FAM81A: variants seen among roughly 807,000 people sequenced by gnomAD.
FAM81A encodes the protein protein FAM81A.
In FAM81A, 19 loss-of-function variants were observed where a neutral mutation model predicts 46.7. The ratio of observed to expected loss-of-function variants is 0.41; its 90% CI spans 0.28 to 0.60. FAM81A has a LOEUF of 0.60. Among genes scored for constraint, FAM81A ranks in the 20% least tolerant of loss-of-function variants. The pLI, the probability that FAM81A is intolerant of heterozygous loss-of-function variation, is 0.34. For missense variants in FAM81A, 377 were observed against 453.5 expected (o/e 0.83, Z 1.53); for synonymous variants, 183 against 152.9 (o/e 1.20, Z -1.45).
At chr15:59,504,899 C>G (rs745881760) in intron 4 of FAM81A, among the ~76,000 whole-genome samples, 103 of 152,036 alleles carry the variant, frequency 6.8e-4, no homozygotes, top group Admixed American at 1.2e-3. Context: ...TTATATTTAT[C>G]ATTGGTTATC....
intron 3 of FAM81A, among the ~76,000 whole-genome samples, chr15:59,465,666 T>C (rs1190453892): frequency 6.6e-6 from 1 of 152,134 alleles, no homozygotes. Flanking sequence ...GCAGAGAACA[T>C]CCTTTTTGTT....
chr15:59,467,505 T>C (rs1157611603), intron 3 of FAM81A, among the ~76,000 whole-genome samples: 1 of 152,200 alleles, frequency 6.6e-6, no homozygotes, highest in African/African-American at 2.4e-5. Flanking sequence ...TTTGGCTCTC[T>C]GTTTGTCTGT....
At chr15:59,412,543 T>C (rs1450286684) in intron 2 of FAM81A, among the ~76,000 whole-genome samples, 1 of 152,078 alleles carries the variant, frequency 6.6e-6, no homozygotes, top group Non-Finnish European at 1.5e-5. Context: ...CTCGGCAACA[T>C]GGCGAAACCC....
At chr15:59,441,533 A>T (rs763163567) in intron 1 of FAM81A, among the ~76,000 whole-genome samples, 3 of 152,192 alleles carry the variant, frequency 2.0e-5, no homozygotes, top group African/African-American at 2.4e-5. Flanking sequence ...TACTCTGTTG[A>T]ACTGTCCTCA....
At chr15:59,462,052 A>T (rs1245284074) in intron 3 of FAM81A, among the ~76,000 whole-genome samples, 1 of 151,938 alleles carries the variant, frequency 6.6e-6, no homozygotes, top group Non-Finnish European at 1.5e-5. Context: ...AAACACAAAA[A>T]ATTAGCTGGG....
chr15:59,479,859 C>T (rs528208360), intron 3 of FAM81A, among the ~76,000 whole-genome samples: 1 of 152,336 alleles, frequency 6.6e-6, no homozygotes, highest in Non-Finnish European at 1.5e-5. Flanking sequence ...TCCACTCACA[C>T]TCTTGTTGCT....
intron 1 of FAM81A, among the ~76,000 whole-genome samples, chr15:59,454,665 A>C (rs1052388627): frequency 1.3e-5 from 2 of 152,032 alleles, no homozygotes. Context: ...TTACTCTGTC[A>C]CCCAGGCTAG....
chr15:59,485,521 G>A (rs2081907459), intron 3 of FAM81A, among the ~76,000 whole-genome samples: 1 of 152,256 alleles, frequency 6.6e-6, no homozygotes, highest in Non-Finnish European at 1.5e-5. Flanking sequence ...CACCAAGGTA[G>A]TACTTCTACA....
At chr15:59,406,176 GA>G (rs1596458421) in intron 2 of FAM81A, among the ~76,000 whole-genome samples, 1 of 152,110 alleles carries the variant, frequency 6.6e-6, no homozygotes, top group East Asian at 1.9e-4. Flanking sequence ...GAAAAATTCA[GA>G]ATGACCTCCC....
intron 8 of FAM81A, among the ~76,000 whole-genome samples, chr15:59,519,182 ACTTT>A (rs1239520652): frequency 1.2e-4 from 18 of 147,522 alleles, no homozygotes; most frequent in Admixed American, 6.7e-4. Flanking sequence ...TATGTTTTTG[ACTTT>A]CTTTCTTTTC....
intron 1 of FAM81A, chr15:59,446,401 G>A (rs1223345737): frequency 1.3e-5 from 2 of 152,218 alleles, no homozygotes; most frequent in African/African-American, 2.4e-5. Context: ...AAATCTGTCT[G>A]GATCTGACAG....
At chr15:59,514,560 TC>T (rs2082247188) in intron 7 of FAM81A, 136 bp downstream of exon 7, 3 of 1,122,768 alleles carry the variant, frequency 2.7e-6, no homozygotes. Flanking sequence ...TTTCCATAGT[TC>T]CATATTGATG....
At chr15:59,465,096 C>T (rs1044467864) in intron 3 of FAM81A, among the ~76,000 whole-genome samples, 10 of 152,122 alleles carry the variant, frequency 6.6e-5, no homozygotes, top group African/African-American at 1.9e-4. Context: ...GTATTCTTGG[C>T]ACCTTTGTCC....
chr15:59,437,212 C>T (rs533892495), upstream of FAM81A, among the ~76,000 whole-genome samples: 4 of 152,188 alleles, frequency 2.6e-5, no homozygotes, highest in South Asian at 8.3e-4. Context: ...ATCCACAGTT[C>T]GGGCTCTTCT....
chr15:59,422,437 A>G (rs936817059), intron 2 of FAM81A, among the ~76,000 whole-genome samples: 2 of 151,880 alleles, frequency 1.3e-5, no homozygotes, highest in Non-Finnish European at 2.9e-5. Flanking sequence ...GGTGTTTTGT[A>G]TGTTCACACC....
intron 6 of FAM81A, among the ~76,000 whole-genome samples, chr15:59,509,326 T>C (rs2082180756): frequency 6.6e-6 from 1 of 152,230 alleles, no homozygotes; most frequent in South Asian, 2.1e-4. Flanking sequence ...ACTATATTAT[T>C]GCTAATGGTG....
At chr15:59,459,414 A>G (rs1475251620) in intron 2 of FAM81A, among the ~76,000 whole-genome samples, 2 of 152,202 alleles carry the variant, frequency 1.3e-5, no homozygotes, top group Non-Finnish European at 2.9e-5. Context: ...AGGGACCTGA[A>G]ATCCCTGATG....
chr15:59,512,113 C>G (rs1355982772), intron 6 of FAM81A, among the ~76,000 whole-genome samples: 1 of 152,152 alleles, frequency 6.6e-6, no homozygotes, highest in Non-Finnish European at 1.5e-5. Flanking sequence ...ATGAATCTCA[C>G]AGACATATGT....
At chr15:59,419,251 C>T (rs1838261652) in intron 2 of FAM81A, among the ~76,000 whole-genome samples, 1 of 152,194 alleles carries the variant, frequency 6.6e-6, no homozygotes, top group Non-Finnish European at 1.5e-5. Flanking sequence ...TTAACCCTCT[C>T]ATAAAAACCT....
Sources: allele counts gnomAD v4.1 joint callset (sites outside exome capture counted in the v4.1 genomes callset), GRCh38; gene constraint gnomAD v4.1.1; transcripts MANE v1.5; gene names NCBI Gene and HGNC (gene_info 2026-07-23, HGNC 2026-07-21).